NPSR1: variants seen among roughly 807,000 people sequenced by gnomAD.
NPSR1 encodes neuropeptide S receptor 1.
A neutral mutation model predicts 46.9 loss-of-function variants in NPSR1; 48 were observed. The ratio of observed to expected loss-of-function variants is 1.02; its 90% CI spans 0.81 to 1.30. The LOEUF (loss-of-function observed/expected upper bound fraction) is 1.30. NPSR1 is among the 50% of genes most tolerant of loss of function. NPSR1 has a pLI of 0.00. For missense variants in NPSR1, 450 were observed against 449.5 expected (o/e 1.00, Z -0.01); for synonymous variants, 176 against 168.1 (o/e 1.05, Z -0.36).
intron 4 of NPSR1, among the ~76,000 whole-genome samples, chr7:34,826,649 T>G (rs1184302556): frequency 6.6e-6 from 1 of 152,178 alleles, no homozygotes; most frequent in Non-Finnish European, 1.5e-5. Flanking sequence ...ATGTATTAAT[T>G]GTCTCTCTCC....
At position 34,834,300 on chromosome 7, in the gene NPSR1, C is replaced by G. The variant is rs192760642; in HGVS notation, c.681-84C>G. 421 of 964,814 alleles carry G rather than the reference C, an allele frequency of 4.4e-4. 2 individuals carry two copies. In the African/African-American group the frequency reaches 6.1e-3, roughly 14 times the overall value. The allele number at this position is 964,814 out of a possible 1,614,324, so 59.8% of individuals were successfully genotyped here. On this transcript the variant is annotated intron_variant, in intron 5 of 8. Transcript: ENST00000360581. The stretch of plus-strand genomic sequence containing the variant: ...GATCTGTCCCTTCACACCTTGCACT[C>G]GGGGAGGTGGGAGTGGTCTTCTCTG...
Position 34,849,939 on chromosome 7 carries a change from T to C in NPSR1, c.*284T>C. On this transcript the variant is annotated 3_prime_UTR_variant, in exon 9 of 9. Coordinates refer to ENST00000360581, the MANE Select transcript of NPSR1 (RefSeq NM_207172.2). ...CACCTGAACCCAGTGAACACAGGCA[T>C]TAGTGGTCCAGGGTCCTGGCTTGGA... 8.3e-7 allele frequency: 1 copy of C among 1,202,702 alleles called. No individual in the cohort carries two copies. Among genetic ancestry groups the C allele is most frequent in the Non-Finnish European group, 1.0e-6 (1 of 961,376 alleles). 74.5% of individuals were successfully genotyped at this position (1,202,702 alleles called of 1,614,324 possible).
intron 2 of NPSR1, chr7:34,758,259 TTC>T (rs1785978926): frequency 6.6e-6 from 1 of 152,254 alleles, no homozygotes; most frequent in African/African-American, 2.4e-5. Flanking sequence ...ACATCTATAT[TTC>T]TGAGTCCTAG....
chr7:34,862,219 T>C (rs945468460), intron 8 of NPSR1, among the ~76,000 whole-genome samples: 6 of 151,618 alleles, frequency 4.0e-5, no homozygotes, highest in Non-Finnish European at 8.8e-5. Context: ...AAGAGCGTAA[T>C]TGCGGGAGTG....
At chr7:34,741,503 G>T (rs1784939370) in intron 2 of NPSR1, among the ~76,000 whole-genome samples, 2 of 152,160 alleles carry the variant, frequency 1.3e-5, no homozygotes, top group Admixed American at 1.3e-4. Context: ...GCTCCAAGCT[G>T]CTGTGGACAA....
At chr7:34,835,604 A>C (rs1380188058) in intron 6 of NPSR1, among the ~76,000 whole-genome samples, 1 of 152,082 alleles carries the variant, frequency 6.6e-6, no homozygotes, top group Non-Finnish European at 1.5e-5. Flanking sequence ...GGCCACCAAG[A>C]GGATGCACAA....
chr7:34,866,275 A>C (rs1328087236), intron 8 of NPSR1, among the ~76,000 whole-genome samples: 1 of 151,744 alleles, frequency 6.6e-6, no homozygotes, highest in African/African-American at 2.4e-5. Flanking sequence ...ATGATGTAGA[A>C]TTCAAATGAG....
chr7:34,778,039 T>C (rs1212560542), intron 2 of NPSR1, among the ~76,000 whole-genome samples: 1 of 152,122 alleles, frequency 6.6e-6, no homozygotes, highest in Non-Finnish European at 1.5e-5. Context: ...GAGGTCCAAT[T>C]TGCAAAATAA....
chr7:34,665,379 T>G (rs1048817086), intron 1 of NPSR1, among the ~76,000 whole-genome samples: 3 of 152,166 alleles, frequency 2.0e-5, no homozygotes, highest in Non-Finnish European at 4.4e-5. Flanking sequence ...TGGCAAGAAT[T>G]AATTACCTCA....
downstream of NPSR1, among the ~76,000 whole-genome samples, chr7:34,852,846 A>G (rs950974838): frequency 3.3e-5 from 5 of 152,184 alleles, no homozygotes; most frequent in Non-Finnish European, 2.9e-5. Flanking sequence ...GGGACAGGAG[A>G]AAATTTAGGA....
Position 34,734,408 on chromosome 7 carries a change from G to C in NPSR1, c.281-44054G>C, listed in dbSNP as rs572562208. On this transcript the variant is annotated intron_variant, in intron 2 of 8. Coordinates refer to ENST00000360581, the MANE Select transcript of NPSR1 (RefSeq NM_207172.2). The stretch of plus-strand genomic sequence containing the variant: ...AGATGATGACTGATGGATGGGAATG[G>C]AGAAACAGGCAGGCCTCAACTTCCA... Among the ~76,000 whole-genome samples the C allele has an allele frequency of 2.0e-5, 3 of 152,134 alleles. No individual in the cohort carries two copies. The South Asian group carries it at 6.2e-4, about 32-fold the overall frequency.
At chr7:34,742,486 A>G (rs1784993044) in intron 2 of NPSR1, among the ~76,000 whole-genome samples, 1 of 152,218 alleles carries the variant, frequency 6.6e-6, no homozygotes, top group East Asian at 1.9e-4. Flanking sequence ...ATGTTCCCAC[A>G]AAAGACATGA....
intron 3 of NPSR1, among the ~76,000 whole-genome samples, chr7:34,796,643 T>C (rs1160008229): frequency 1.3e-5 from 2 of 152,202 alleles, no homozygotes; most frequent in African/African-American, 4.8e-5. Flanking sequence ...CACTGCATAT[T>C]TATTAGAATA....
chr7:34,750,128 ATT>A (rs34129840), intron 2 of NPSR1: 479 of 240,484 alleles, frequency 2.0e-3, no homozygotes, highest in Middle Eastern at 6.6e-3. Context: ...TCGTGTATGT[ATT>A]TTTTTTTTTT....
chr7:34,707,553 A>T (rs1450182367), intron 2 of NPSR1, among the ~76,000 whole-genome samples: 1 of 152,250 alleles, frequency 6.6e-6, no homozygotes, highest in East Asian at 1.9e-4. Context: ...TTCAACAAAC[A>T]GTATTAACCA....
intron 2 of NPSR1, among the ~76,000 whole-genome samples, chr7:34,766,158 T>C (rs766592369): frequency 6.6e-6 from 1 of 152,218 alleles, no homozygotes; most frequent in Non-Finnish European, 1.5e-5. Context: ...TATCACTACA[T>C]ATCTAGTAGA....
intron 2 of NPSR1, among the ~76,000 whole-genome samples, chr7:34,707,583 G>A (rs1794172205): frequency 6.6e-6 from 1 of 152,210 alleles, no homozygotes; most frequent in Non-Finnish European, 1.5e-5. Context: ...GCGAGGCATG[G>A]TTCCAGGTGC....
chr7:34,838,544 A>G (rs1790457647), intron 6 of NPSR1, among the ~76,000 whole-genome samples: 1 of 152,108 alleles, frequency 6.6e-6, no homozygotes, highest in South Asian at 2.1e-4. Context: ...CTGGGTCCGC[A>G]TGCCAGGATT....
intron 2 of NPSR1, among the ~76,000 whole-genome samples, chr7:34,730,920 G>T (rs1420969913): frequency 6.6e-6 from 1 of 152,180 alleles, no homozygotes; most frequent in Non-Finnish European, 1.5e-5. Flanking sequence ...ACCAAAGGAA[G>T]TAGGAGAGGA....
Sources: gnomAD v4.1 joint callset for allele counts (sites outside exome capture counted in the v4.1 genomes callset) on GRCh38, gnomAD v4.1.1 for gene constraint, MANE v1.5 for transcripts, NCBI Gene and HGNC (gene_info 2026-07-23, HGNC 2026-07-21) for gene names.